Variants in OSBPL3 observed in about 807,000 individuals in gnomAD.
OSBPL3 encodes the protein oxysterol-binding protein-related protein 3.
Under a neutral mutation model 120.1 loss-of-function variants are expected in OSBPL3, and 65 were observed. The ratio of observed to expected loss-of-function variants is 0.54; its 90% CI spans 0.44 to 0.67. The LOEUF (loss-of-function observed/expected upper bound fraction) is 0.67, where lower values mean the gene tolerates loss of function less well. Ranked by LOEUF, OSBPL3 falls within the 30% of genes least tolerant of loss-of-function variation. The pLI is 0.00. For missense variants in OSBPL3, 1,004 were observed against 1,082.1 expected (o/e 0.93, Z 1.01); for synonymous variants, 416 against 402.6 (o/e 1.03, Z -0.40).
At position 24,900,818 on chromosome 7, in the gene OSBPL3, G is replaced by A. The variant is rs562332182; in HGVS notation, c.-149-8197C>T. The stretch of plus-strand genomic sequence containing the variant: ...CCCCCATCTTTACAAAAAATATTAG[G>A]TTGGTGTGAAAGTAAGTGCGGATTT... On this transcript the variant is annotated intron_variant, in intron 1 of 22. Coordinates refer to ENST00000313367, the MANE Select transcript of OSBPL3 (RefSeq NM_015550.4). The surrounding 1 kb of genome is among the most constrained non-coding windows in gnomAD (Gnocchi z 4.5). 1.3e-5 allele frequency among the ~76,000 whole-genome samples: 2 copies of A among 152,206 alleles called. No individual in the cohort carries two copies. The highest frequency in any genetic ancestry group is 4.2e-4 in the South Asian group (2 of 4,814).
rs1002416275 is a variant in OSBPL3 at position 24,849,495 on chromosome 7, C to G, written c.1159-319G>C. Among the ~76,000 whole-genome samples, 2 of 152,226 alleles carry G rather than the reference C, an allele frequency of 1.3e-5. No individual in the cohort carries two copies. The highest frequency in any genetic ancestry group is 4.8e-5 in the African/African-American group (2 of 41,452). The stretch of plus-strand genomic sequence containing the variant: ...GCTTCTGTTAAGACCAGTGGTTCCA[C>G]AGCATCTCCTCCTCCTCCCCAACTG... On this transcript the variant is annotated intron_variant, in intron 11 of 22. Coordinates refer to ENST00000313367, the MANE Select transcript of OSBPL3 (RefSeq NM_015550.4). The surrounding 1 kb of genome is among the most constrained non-coding windows in gnomAD (Gnocchi z 5.4).
In OSBPL3 at chr7:24,979,973, G is replaced by A. The variant is rs970245380; in HGVS notation, c.-237C>T. ...ACAGAACCGGGAGAAGGCAACCCCG[G>A]CTTCTCCGGTACCCCCGCAACGTGC... On this transcript the variant is annotated 5_prime_UTR_variant, in exon 1 of 23. Transcript: ENST00000313367. 6 of 985,226 alleles carry A rather than the reference G, an allele frequency of 6.1e-6. No homozygotes were observed. Among genetic ancestry groups the A allele is most frequent in the East Asian group, 1.1e-4 (1 of 8,744 alleles). The allele number at this position is 985,226 out of a possible 1,614,324, so 61.0% of individuals were successfully genotyped here. A position where few individuals can be genotyped will look rare whatever the true frequency, so the allele number is the denominator to read the frequency against.
rs776056263 is a variant in OSBPL3 at position 24,877,141 on chromosome 7, T to C, written c.97-5072A>G. On this transcript the variant is annotated intron_variant, in intron 2 of 22. Coordinates refer to ENST00000313367, the MANE Select transcript of OSBPL3 (RefSeq NM_015550.4). The surrounding 1 kb of genome is among the most constrained non-coding windows in gnomAD (Gnocchi z 4.8). ...AATCATTCTGTCACATATTATAGCA[T>C]ACTGCATTTTTACTGTAGTTTAAGT... Among the ~76,000 whole-genome samples, 1 of 152,236 alleles carries C rather than the reference T, an allele frequency of 6.6e-6. No individual in the cohort carries two copies. Among genetic ancestry groups the C allele is most frequent in the Admixed American group, 6.5e-5 (1 of 15,280 alleles).
In OSBPL3 at chr7:24,938,337, G is replaced by A. The variant is rs542082927; in HGVS notation, c.-150+41549C>T. On this transcript the variant is annotated intron_variant, in intron 1 of 22. Transcript: ENST00000313367. The surrounding 1 kb of genome is among the most constrained non-coding windows in gnomAD (Gnocchi z 5.8). ...CACTGAATCTGCCAGCACCTTGATCGTGGACTTCACAGTCTCCAGACTGTA... is the reference window on the plus strand; with the variant it reads ...CACTGAATCTGCCAGCACCTTGATCATGGACTTCACAGTCTCCAGACTGTA... Among the ~76,000 whole-genome samples the A allele has an allele frequency of 2.6e-5, 4 of 152,314 alleles. No individual in the cohort carries two copies. Among genetic ancestry groups the A allele is most frequent in the East Asian group, 3.9e-4 (2 of 5,186 alleles).
chr7:24,853,104 C>A (rs983340129), intron 10 of OSBPL3, among the ~76,000 whole-genome samples: 1 of 152,220 alleles, frequency 6.6e-6, no homozygotes, highest in Non-Finnish European at 1.5e-5. Context: ...TTTTTTGACA[C>A]TTGCACTTTG....
chr7:24,892,940 A>G (rs2128343305), intron 1 of OSBPL3, among the ~76,000 whole-genome samples: 1 of 152,370 alleles, frequency 6.6e-6, no homozygotes, highest in East Asian at 1.9e-4. Context: ...TGTGATAGCT[A>G]TAATAATTTT....
intron 12 of OSBPL3, among the ~76,000 whole-genome samples, chr7:24,844,769 C>T (rs1798198627): frequency 6.6e-6 from 1 of 152,114 alleles, no homozygotes; most frequent in African/African-American, 2.4e-5. Flanking sequence ...CCATTGAAGT[C>T]GATATGAATG....
chr7:24,889,046 G>A (rs1455780129), intron 2 of OSBPL3, among the ~76,000 whole-genome samples: 1 of 152,046 alleles, frequency 6.6e-6, no homozygotes, highest in Non-Finnish European at 1.5e-5. Flanking sequence ...CTCCAAATAT[G>A]GCAAAAATAT....
Position 24,808,667 on chromosome 7 carries a change from T to A in OSBPL3, c.2317+1140A>T, listed in dbSNP as rs1469755511. On this transcript the variant is annotated intron_variant, in intron 20 of 22. Coordinates refer to ENST00000313367, the MANE Select transcript of OSBPL3 (RefSeq NM_015550.4). This position sits in a 1 kb window ranked among gnomAD's most constrained non-coding sequence, Gnocchi z 4.6. ...GCTGGCTGCCTACTTGACCATCATT[T>A]CTCTTTCTTGCTTGCTAACAGAATA... Among the ~76,000 whole-genome samples, 1 of 152,178 alleles carries A rather than the reference T, an allele frequency of 6.6e-6. No individual in the cohort carries two copies. The highest frequency in any genetic ancestry group is 2.4e-5 in the African/African-American group (1 of 41,426).
At chr7:24,978,147 C>T (rs1248652146) in intron 1 of OSBPL3, among the ~76,000 whole-genome samples, 1 of 152,216 alleles carries the variant, frequency 6.6e-6, no homozygotes, top group Non-Finnish European at 1.5e-5. Flanking sequence ...CCCTCAATTT[C>T]CCATCTGGTT....
chr7:24,828,826 G>C (rs925527208), intron 16 of OSBPL3, among the ~76,000 whole-genome samples: 2 of 151,856 alleles, frequency 1.3e-5, no homozygotes, highest in African/African-American at 4.8e-5. Context: ...GTCACACATG[G>C]AGCAAATTGT....
intron 10 of OSBPL3, among the ~76,000 whole-genome samples, chr7:24,860,980 A>C (rs1305632912): frequency 6.6e-6 from 1 of 152,246 alleles, no homozygotes; most frequent in Non-Finnish European, 1.5e-5. Flanking sequence ...ATGCATGTTT[A>C]ATTTTATACA....
chr7:24,886,219 CTAA>C (rs1369425814), intron 2 of OSBPL3, among the ~76,000 whole-genome samples: 1 of 152,144 alleles, frequency 6.6e-6, no homozygotes, highest in Non-Finnish European at 1.5e-5. Flanking sequence ...AATTTCGCAG[CTAA>C]AAAGCTTAGA....
chr7:24,924,419 C>A (rs1049705499), intron 1 of OSBPL3, among the ~76,000 whole-genome samples: 4 of 152,024 alleles, frequency 2.6e-5, no homozygotes, highest in African/African-American at 9.7e-5. Flanking sequence ...GAATAAAGAG[C>A]GAAAAAGTAG....
At chr7:24,924,845 G>A (rs559314584) in intron 1 of OSBPL3, among the ~76,000 whole-genome samples, 4 of 152,308 alleles carry the variant, frequency 2.6e-5, no homozygotes, top group South Asian at 4.1e-4. Flanking sequence ...TCACGGTTCT[G>A]CCTAGCAGTC....
Position 24,883,292 on chromosome 7 carries a change from C to T in OSBPL3, c.96+9085G>A, listed in dbSNP as rs1012362179. Among the ~76,000 whole-genome samples the T allele has an allele frequency of 6.6e-6, 1 of 152,244 alleles. No homozygotes were observed. The highest frequency in any genetic ancestry group is 2.1e-4 in the South Asian group (1 of 4,816). ...GGTTTTAGAGGGATATCAGATGACA[C>T]TAGGGAAGTCTTCTGTTGTGCCTCT... On this transcript the variant is annotated intron_variant, in intron 2 of 22. Transcript: ENST00000313367. The surrounding 1 kb of genome is among the most constrained non-coding windows in gnomAD (Gnocchi z 5.4).
At chr7:24,836,985 C>A (rs945537717) in intron 14 of OSBPL3, among the ~76,000 whole-genome samples, 1 of 152,102 alleles carries the variant, frequency 6.6e-6, no homozygotes, top group Admixed American at 6.5e-5. Flanking sequence ...CAGATGCACA[C>A]CAACATGCCT....
Position 24,809,934 on chromosome 7 carries a change from A to T in OSBPL3, c.2190T>A (p.Thr730=), listed in dbSNP as rs775074653. The change falls in exon 20 of 23, where the codon ACT becomes ACA. Residue 730 remains threonine (T), a synonymous_variant. Coordinates refer to ENST00000313367, the MANE Select transcript of OSBPL3 (RefSeq NM_015550.4). ...CTGTGCCTTCAATCTCATGGGCATT[A>T]GTGCTCCAGTATTTTGCCTAGGATT... ...VNFIKAKYWS[T]NAHEIEGTVF... is the part of the protein sequence containing the mutation. 12 of 1,614,036 alleles carry T rather than the reference A, an allele frequency of 7.4e-6. No homozygotes were observed. In the East Asian group the frequency reaches 2.5e-4, roughly 33 times the overall value.
intron 19 of OSBPL3, among the ~76,000 whole-genome samples, chr7:24,810,711 A>G (rs1008979442): frequency 6.6e-6 from 1 of 152,164 alleles, no homozygotes; most frequent in African/African-American, 2.4e-5. Context: ...TGGCAAACCC[A>G]TATCAACCAT....
Sources: allele counts gnomAD v4.1 joint callset (sites outside exome capture counted in the v4.1 genomes callset), GRCh38; gene constraint gnomAD v4.1.1; non-coding constraint Gnocchi (gnomAD v3.1); transcripts MANE v1.5; gene names NCBI Gene and HGNC (gene_info 2026-07-23, HGNC 2026-07-21).